The following CCDC24 variants were observed in gnomAD, a reference collection of about 807,000 sequenced individuals.
The protein encoded by CCDC24 is coiled-coil domain containing 24.
CCDC24 carries 34 observed loss-of-function variants against 31.6 expected under a neutral mutation model. That is an observed-to-expected ratio of 1.08 (90% confidence interval 0.82 to 1.43). The LOEUF (loss-of-function observed/expected upper bound fraction) is 1.43, where lower values mean the gene tolerates loss of function less well. Ranked by LOEUF, CCDC24 falls within the 40% of genes most tolerant of loss-of-function variation. The pLI is 0.00. For missense variants in CCDC24, 426 were observed against 391.1 expected, an observed-to-expected ratio of 1.09 and a Z score of -0.75; for synonymous variants, 175 against 157.3, an observed-to-expected ratio of 1.11 and a Z score of -0.84.
chr1:43,995,008 T>TG lies in CCDC24; in HGVS notation c.498-96dup. ...GTGGGCTGAGGAAGGACAGGTTGGG[T>TG]GGGGCTCCTGCTGAGGCTGGAGGTT... is the stretch of plus-strand genomic sequence containing the variant. On this transcript the variant is annotated intron_variant, in intron 5 of 8. Coordinates refer to ENST00000372318, the MANE Select transcript of CCDC24 (RefSeq NM_152499.4). This position sits in a 1 kb window ranked among gnomAD's most constrained non-coding sequence, Gnocchi z 4.3. The TG allele has an allele frequency of 9.2e-7, 1 of 1,087,772 alleles. No homozygotes were observed. The highest frequency in any genetic ancestry group is 1.6e-5 in the African/African-American group (1 of 64,224). The allele number at this position is 1,087,772 out of a possible 1,614,324, so 67.4% of individuals were successfully genotyped here.
At chr1:43,994,526 C>T (rs1243401051) in intron 5 of CCDC24, 3 of 156,882 alleles carry the variant, frequency 1.9e-5, no homozygotes, top group Non-Finnish European at 2.8e-5. Context: ...CTGCAAGCTC[C>T]ACCTCCCGGG....
In CCDC24 at chr1:43,995,377, G is replaced by C. The variant is rs2085821863; in HGVS notation, c.552+215G>C. On this transcript the variant is annotated intron_variant, in intron 6 of 8. Transcript: ENST00000372318. The surrounding 1 kb of genome is among the most constrained non-coding windows in gnomAD (Gnocchi z 4.3). ...CTTAAGGCCAGGGCCAACCGTTTTAGGTCTTTTGCCTCCTTCCTTTACCTA... is the reference window on the plus strand; with the variant it reads ...CTTAAGGCCAGGGCCAACCGTTTTACGTCTTTTGCCTCCTTCCTTTACCTA... The C allele has an allele frequency of 1.4e-6, 1 of 700,226 alleles. No homozygotes were observed. The highest frequency in any genetic ancestry group is 1.8e-5 in the African/African-American group (1 of 55,908). 43.4% of individuals were successfully genotyped at this position (700,226 alleles called of 1,614,324 possible). A position where few individuals can be genotyped will look rare whatever the true frequency, so the allele number is the denominator to read the frequency against.
At position 43,995,068 on chromosome 1, in the gene CCDC24, C is replaced by G. The variant is rs55752405; in HGVS notation, c.498-40C>G. On this transcript the variant is annotated intron_variant, in intron 5 of 8. Coordinates refer to ENST00000372318, the MANE Select transcript of CCDC24 (RefSeq NM_152499.4). This position sits in a 1 kb window ranked among gnomAD's most constrained non-coding sequence, Gnocchi z 4.3. ...TGGTGGACTCAGCTGAGCCCTGGTC[C>G]TGTGTCTCGGGTTCTGGCTGCTGCT... The G allele has an allele frequency of 6.4e-7, 1 of 1,553,580 alleles. No homozygotes were observed. The highest frequency in any genetic ancestry group is 1.9e-5 in the Admixed American group (1 of 52,196).
At position 43,992,325 on chromosome 1, in the gene CCDC24, C is replaced by CT; in HGVS notation, c.242dup (p.Leu81PhefsTer19). 1.2e-6 allele frequency: 2 copies of CT among 1,614,232 alleles called. No individual in the cohort carries two copies. The highest frequency in any genetic ancestry group is 1.7e-6 in the Non-Finnish European group (2 of 1,180,036). On this transcript the variant is annotated frameshift_variant, in exon 3 of 9. Transcript: ENST00000372318. LOFTEE classifies it high-confidence loss of function. The stretch of plus-strand genomic sequence containing the variant: ...CACCACCGCCTCTCCTAAAGGACCT[C>CT]TTGCGCCAGGAGCTCCGGCAGTTGC...
chr1:43,996,136 T>C lies in CCDC24; in HGVS notation c.900T>C (p.Ser300=), dbSNP rs1450833458. The C allele has an allele frequency of 6.2e-7, 1 of 1,605,442 alleles. No individual in the cohort carries two copies. Among genetic ancestry groups the C allele is most frequent in the Non-Finnish European group, 8.5e-7 (1 of 1,175,196 alleles). Residue 300 remains serine (S), a synonymous_variant, in exon 9 of 9, where the codon AGT becomes AGC. Coordinates refer to ENST00000372318, the MANE Select transcript of CCDC24 (RefSeq NM_152499.4). ...REGPASTPMS[S]AAPQAPA is the part of the protein sequence containing the mutation. ...GGCCAGCTTCCACACCCATGTCCAG[T>C]GCAGCACCCCAAGCCCCAGCCTGAA...
In CCDC24 at chr1:43,995,613, G is replaced by A. The variant is rs751532633; in HGVS notation, c.565G>A (p.Glu189Lys). ...EILILQRCLE[E>K]EYLRPCHPSE... Reference sequence around the variant, plus strand: ...GCTCTCCCTGCAGCGCTGCCTGGAAGAGGAGTATTTGAGGCCTTGCCACCC... The same window carrying A: ...GCTCTCCCTGCAGCGCTGCCTGGAAAAGGAGTATTTGAGGCCTTGCCACCC... Residue 189 changes from glutamate (E) to lysine (K), a missense_variant, in exon 7 of 9, where the codon GAG becomes AAG. Physicochemically the swap from Glu to Lys is moderately conservative, Grantham distance 56 (BLOSUM62 1). Coordinates refer to ENST00000372318, the MANE Select transcript of CCDC24 (RefSeq NM_152499.4). This position sits in a 1 kb window ranked among gnomAD's most constrained non-coding sequence, Gnocchi z 4.3. 1.9e-6 allele frequency: 3 copies of A among 1,610,772 alleles called. No individual in the cohort carries two copies. Among genetic ancestry groups the A allele is most frequent in the African/African-American group, 2.7e-5 (2 of 74,890 alleles).
intron 4 of CCDC24, 111 bp from the exon 5 acceptor site, chr1:43,993,776 C>T: frequency 1.0e-6 from 1 of 993,076 alleles, no homozygotes; most frequent in Non-Finnish European, 1.6e-6. Flanking sequence ...ACTCTTTGCA[C>T]TATATTATAT....
At position 43,993,909 on chromosome 1, in the gene CCDC24, A is replaced by G. The variant is rs1167185075; in HGVS notation, c.442A>G (p.Ile148Val). 3 of 1,614,098 alleles carry G rather than the reference A, an allele frequency of 1.9e-6. No homozygotes were observed. The highest frequency in any genetic ancestry group is 2.5e-6 in the Non-Finnish European group (3 of 1,180,042). ...GPSSGHRDLS[I>V]IKDQLNVSNI... is the part of the protein sequence containing the mutation. The stretch of plus-strand genomic sequence containing the variant: ...CAGCAGCGGTCACAGAGATCTCAGC[A>G]TCATCAAGGACCAACTGAACGTGTC... The change falls in exon 5 of 9, where the codon ATC becomes GTC. Residue 148 changes from isoleucine (I) to valine (V), a missense_variant. Physicochemically the swap from Ile to Val is conservative, Grantham distance 29. Transcript: ENST00000372318.
chr1:43,995,904 C>A lies in CCDC24; in HGVS notation c.702-34C>A. ...GGGCAGGGTGGACTGAAGGATCAGA[C>A]CACCACCCCTCACAGTTACTCTTTC... On this transcript the variant is annotated intron_variant, in intron 8 of 8. Transcript: ENST00000372318. This position sits in a 1 kb window ranked among gnomAD's most constrained non-coding sequence, Gnocchi z 4.3. 1 of 1,613,784 alleles carries A rather than the reference C, an allele frequency of 6.2e-7. No individual in the cohort carries two copies. The highest frequency in any genetic ancestry group is 8.5e-7 in the Non-Finnish European group (1 of 1,179,662).
chr1:43,995,723 A>G lies in CCDC24; in HGVS notation c.622+53A>G, dbSNP rs918477687. On this transcript the variant is annotated intron_variant, in intron 7 of 8. Coordinates refer to ENST00000372318, the MANE Select transcript of CCDC24 (RefSeq NM_152499.4). The surrounding 1 kb of genome is among the most constrained non-coding windows in gnomAD (Gnocchi z 4.3). ...ACCCAGCCTCCTGCTCCCACCCCAC[A>G]CTTGTACACACCCTAGAAGAGCTGG... is the stretch of plus-strand genomic sequence containing the variant. The G allele has an allele frequency of 1.9e-6, 3 of 1,612,920 alleles. No individual in the cohort carries two copies. The highest frequency in any genetic ancestry group is 2.5e-6 in the Non-Finnish European group (3 of 1,179,212).
chr1:43,992,135 T>TCTCCCTCA (rs1265302249), intron 2 of CCDC24, 77 bp from the exon 3 acceptor site: 1 of 1,517,974 alleles, frequency 6.6e-7, no homozygotes, highest in Non-Finnish European at 8.9e-7. Context: ...GACTCCGCCC[T>TCTCCCTCA]CTCCCTCACT....
chr1:43,995,231 C>G lies in CCDC24; in HGVS notation c.552+69C>G. On this transcript the variant is annotated intron_variant, in intron 6 of 8. Coordinates refer to ENST00000372318, the MANE Select transcript of CCDC24 (RefSeq NM_152499.4). The surrounding 1 kb of genome is among the most constrained non-coding windows in gnomAD (Gnocchi z 4.3). The stretch of plus-strand genomic sequence containing the variant: ...CGTAGACTCTCACCTGGGTGAGACC[C>G]ATGTACCTGTGTGCATACATAGGTG... 1 of 1,460,084 alleles carries G rather than the reference C, an allele frequency of 6.8e-7. No homozygotes were observed. Among genetic ancestry groups the G allele is most frequent in the South Asian group, 1.2e-5 (1 of 82,418 alleles). The allele number at this position is 1,460,084 out of a possible 1,614,324, so 90.4% of individuals were successfully genotyped here. A position where few individuals can be genotyped will look rare whatever the true frequency, so the allele number is the denominator to read the frequency against.
At position 43,995,450 on chromosome 1, in the gene CCDC24, G is replaced by A. The variant is rs1038366026; in HGVS notation, c.553-151G>A. Reference sequence around the variant, plus strand: ...CTATCTTGCCAAACTCAGCTCTTCCGCAAGGCTGGTATTCCCTGGGGAACG... The same window carrying A: ...CTATCTTGCCAAACTCAGCTCTTCCACAAGGCTGGTATTCCCTGGGGAACG... On this transcript the variant is annotated intron_variant, in intron 6 of 8. Coordinates refer to ENST00000372318, the MANE Select transcript of CCDC24 (RefSeq NM_152499.4). This position sits in a 1 kb window ranked among gnomAD's most constrained non-coding sequence, Gnocchi z 4.3. 6.3e-5 allele frequency: 55 copies of A among 877,690 alleles called. No individual in the cohort carries two copies. Among genetic ancestry groups the A allele is most frequent in the Middle Eastern group, 3.6e-4 (1 of 2,802 alleles). 54.4% of individuals were successfully genotyped at this position (877,690 alleles called of 1,614,324 possible). A position where few individuals can be genotyped will look rare whatever the true frequency, so the allele number is the denominator to read the frequency against.
Position 43,995,514 on chromosome 1 carries a change from G to C in CCDC24, c.553-87G>C. The C allele has an allele frequency of 7.2e-7, 1 of 1,383,146 alleles. No homozygotes were observed. The highest frequency in any genetic ancestry group is 9.7e-7 in the Non-Finnish European group (1 of 1,026,712). The allele number at this position is 1,383,146 out of a possible 1,614,324, so 85.7% of individuals were successfully genotyped here. A position where few individuals can be genotyped will look rare whatever the true frequency, so the allele number is the denominator to read the frequency against. ...GGTGGATGGGCTGAAGGGGCTGCACGGGCCTGCCCTGGGGATCTTGGCCTC... is the reference window on the plus strand; with the variant it reads ...GGTGGATGGGCTGAAGGGGCTGCACCGGCCTGCCCTGGGGATCTTGGCCTC... On this transcript the variant is annotated intron_variant, in intron 6 of 8. Transcript: ENST00000372318. The surrounding 1 kb of genome is among the most constrained non-coding windows in gnomAD (Gnocchi z 4.3).
At chr1:43,992,690 T>G in intron 4 of CCDC24, 51 bp downstream of exon 4, 62 of 1,512,776 alleles carry the variant, frequency 4.1e-5, no homozygotes, top group Non-Finnish European at 5.2e-5. Context: ...CAGAGGGCCC[T>G]AGCCCACTGG....
chr1:43,991,986 C>T lies in CCDC24; in HGVS notation c.108C>T (p.Ser36=), dbSNP rs1347102189. The T allele has an allele frequency of 5.3e-6, 8 of 1,511,452 alleles. No individual in the cohort carries two copies. The South Asian group carries it at 8.8e-5, about 17-fold the overall frequency. 93.6% of individuals were successfully genotyped at this position (1,511,452 alleles called of 1,614,324 possible). A position where few individuals can be genotyped will look rare whatever the true frequency, so the allele number is the denominator to read the frequency against. Residue 36 remains serine (S), a synonymous_variant, in exon 2 of 9, where the codon AGC becomes AGT. Coordinates refer to ENST00000372318, the MANE Select transcript of CCDC24 (RefSeq NM_152499.4). ...RILGEAAVDL[S]LELRAEVAML... ...TGGGGGAGGCGGCGGTGGACCTGAGCCTGGAGCTGCGGGCGGAGGTGGGGA... is the reference window on the plus strand; with the variant it reads ...TGGGGGAGGCGGCGGTGGACCTGAGTCTGGAGCTGCGGGCGGAGGTGGGGA...
chr1:43,995,478 G>A lies in CCDC24; in HGVS notation c.553-123G>A, dbSNP rs994554049. On this transcript the variant is annotated intron_variant, in intron 6 of 8. Coordinates refer to ENST00000372318, the MANE Select transcript of CCDC24 (RefSeq NM_152499.4). The surrounding 1 kb of genome is among the most constrained non-coding windows in gnomAD (Gnocchi z 4.3). ...AGGCTGGTATTCCCTGGGGAACGTG[G>A]CTGCCCTCACGGTGGATGGGCTGAA... The A allele has an allele frequency of 1.9e-6, 2 of 1,064,580 alleles. No homozygotes were observed. Among genetic ancestry groups the A allele is most frequent in the African/African-American group, 3.2e-5 (2 of 62,518 alleles). 65.9% of individuals were successfully genotyped at this position (1,064,580 alleles called of 1,614,324 possible). A position where few individuals can be genotyped will look rare whatever the true frequency, so the allele number is the denominator to read the frequency against.
rs755322885 is a variant in CCDC24, at chr1:43,996,180, G to A, written c.*20G>A. 5 of 1,532,386 alleles carry A rather than the reference G, an allele frequency of 3.3e-6. No homozygotes were observed. The highest frequency in any genetic ancestry group is 2.8e-5 in the African/African-American group (2 of 72,302). The allele number at this position is 1,532,386 out of a possible 1,614,324, so 94.9% of individuals were successfully genotyped here. On this transcript the variant is annotated 3_prime_UTR_variant, in exon 9 of 9. Transcript: ENST00000372318. ...GCCTGAAGGGCTGGTCACCGAGTAG[G>A]CTCTGGCTTCTGCCACAGCGCACCT... is the stretch of plus-strand genomic sequence containing the variant.
Position 43,993,059 on chromosome 1 carries a change from A to G in CCDC24, c.419+420A>G, listed in dbSNP as rs555879135. On this transcript the variant is annotated intron_variant, in intron 4 of 8. Transcript: ENST00000372318. ...GTATTTACAGCTGGGACTGAATGAG[A>G]TAAAATATTCATAAGTGGATGGCAG... 1.4e-3 allele frequency among the ~76,000 whole-genome samples: 208 copies of G among 152,324 alleles called. 1 individual carries two copies. Among genetic ancestry groups the G allele is most frequent in the African/African-American group, 4.9e-3 (202 of 41,572 alleles).
Sources: gnomAD v4.1 joint callset for allele counts (sites outside exome capture counted in the v4.1 genomes callset) on GRCh38, gnomAD v4.1.1 for gene constraint, Gnocchi (gnomAD v3.1) non-coding constraint, MANE v1.5 for transcripts, NCBI Gene and HGNC (gene_info 2026-07-23, HGNC 2026-07-21) for gene names.